BCAR3: variants seen among roughly 807,000 people sequenced by gnomAD.
The protein encoded by BCAR3 is BCAR3 adaptor protein, NSP family member, also known as breast cancer anti-estrogen resistance protein 3.
BCAR3 carries 37 observed loss-of-function variants against 80.1 expected under a neutral mutation model. The ratio of observed to expected loss-of-function variants is 0.46; its 90% CI spans 0.36 to 0.61. BCAR3 has a LOEUF of 0.61. Ranked by LOEUF, BCAR3 falls within the 20% of genes least tolerant of loss-of-function variation. BCAR3 has a pLI of 0.00. For synonymous variants in BCAR3, 389 were observed against 418.9 expected, an observed-to-expected ratio of 0.93 and a Z score of 0.87; for missense variants, 978 against 1,068.2, an observed-to-expected ratio of 0.92 and a Z score of 1.18.
At chr1:93,834,968 C>T (rs557841002) in intron 2 of BCAR3, among the ~76,000 whole-genome samples, 238 of 152,266 alleles carry the variant, frequency 1.6e-3, no homozygotes, top group African/African-American at 5.3e-3. Context: ...CTTGGTTTAT[C>T]GATGGCGGTT....
chr1:93,732,226 C>T lies in BCAR3; in HGVS notation c.-62-26084G>A, dbSNP rs147862088. ...TGAAACCTGTTCCTAGACAACGTGT[C>T]CAGTGCCAGAAGATGCTTTGTAAAG... On this transcript the variant is annotated intron_variant, in intron 2 of 13. Coordinates refer to the BCAR3 transcript ENST00000370244. 2.6e-3 allele frequency among the ~76,000 whole-genome samples: 396 copies of T among 152,260 alleles called. 1 individual carries two copies. The highest frequency in any genetic ancestry group is 3.3e-3 in the Non-Finnish European group (224 of 68,016).
chr1:93,694,943 C>T (rs1273422270), intron 3 of BCAR3, among the ~76,000 whole-genome samples: 1 of 152,186 alleles, frequency 6.6e-6, no homozygotes, highest in African/African-American at 2.4e-5. Flanking sequence ...TGTGCTCCAC[C>T]TCAGCCTACA....
chr1:93,797,256 C>T (rs1275629435), intron 2 of BCAR3, among the ~76,000 whole-genome samples: 1 of 152,146 alleles, frequency 6.6e-6, no homozygotes, highest in African/African-American at 2.4e-5. Flanking sequence ...ATTATCTTTC[C>T]ATGCAGCTTC....
intron 2 of BCAR3, among the ~76,000 whole-genome samples, chr1:93,815,765 C>T (rs532999373): frequency 3.9e-5 from 6 of 152,266 alleles, no homozygotes; most frequent in Admixed American, 2.0e-4. Flanking sequence ...AACAGACACA[C>T]GGAGAACATG....
intron 2 of BCAR3, among the ~76,000 whole-genome samples, chr1:93,834,900 C>T (rs1420466997): frequency 6.6e-6 from 1 of 152,200 alleles, no homozygotes; most frequent in Admixed American, 6.5e-5. Context: ...TCTGATCCAC[C>T]TGACATTCAC....
At chr1:93,657,605 T>C (rs1647448335) in intron 2 of BCAR3, among the ~76,000 whole-genome samples, 1 of 152,020 alleles carries the variant, frequency 6.6e-6, no homozygotes, top group Non-Finnish European at 1.5e-5. Context: ...ATATACAGTT[T>C]AACATGAGAA....
intron 7 of BCAR3, among the ~76,000 whole-genome samples, chr1:93,578,617 C>CAACT (rs1673562401): frequency 6.6e-6 from 1 of 152,206 alleles, no homozygotes; most frequent in Admixed American, 6.5e-5. Context: ...TCTCCACACC[C>CAACT]AACTCCCTGT....
intron 3 of BCAR3, among the ~76,000 whole-genome samples, chr1:93,699,508 G>A (rs1225265100): frequency 1.3e-5 from 2 of 152,124 alleles, no homozygotes; most frequent in African/African-American, 4.8e-5. Context: ...TTGTTGCGGG[G>A]GCGGGGGTGG....
intron 2 of BCAR3, among the ~76,000 whole-genome samples, chr1:93,744,640 C>T (rs1351143369): frequency 6.6e-6 from 1 of 152,172 alleles, no homozygotes; most frequent in East Asian, 1.9e-4. Flanking sequence ...TCCCATGAAA[C>T]GTTTGTCTTT....
intron 1 of BCAR3, among the ~76,000 whole-genome samples, chr1:93,678,746 C>T (rs979274163): frequency 6.6e-6 from 1 of 152,046 alleles, no homozygotes; most frequent in Non-Finnish European, 1.5e-5. Flanking sequence ...GGGAAGGCCT[C>T]TCTGAAAAGG....
At chr1:93,800,911 T>C (rs943424928) in intron 2 of BCAR3, among the ~76,000 whole-genome samples, 2 of 152,206 alleles carry the variant, frequency 1.3e-5, no homozygotes, top group Non-Finnish European at 2.9e-5. Context: ...TCCCTATCAT[T>C]TGAACTGTTT....
chr1:93,725,448 T>C (rs1198504515), intron 2 of BCAR3, among the ~76,000 whole-genome samples: 2 of 152,266 alleles, frequency 1.3e-5, no homozygotes, highest in African/African-American at 4.8e-5. Flanking sequence ...TTTTGTGAAA[T>C]GCCTGCTTAT....
chr1:93,582,220 A>G, intron 7 of BCAR3, 81 bp downstream of exon 7: 1 of 1,515,078 alleles, frequency 6.6e-7, no homozygotes, highest in Non-Finnish European at 8.8e-7. Flanking sequence ...CCAAACCTAC[A>G]AAAGCCAGAG....
intron 2 of BCAR3, among the ~76,000 whole-genome samples, chr1:93,804,466 A>C (rs1166579069): frequency 7.2e-5 from 11 of 152,198 alleles, no homozygotes; most frequent in Non-Finnish European, 1.3e-4. Context: ...TATTAAGTAA[A>C]ACAGGGATTC....
At chr1:93,760,608 TA>T (rs11365595) in intron 2 of BCAR3, among the ~76,000 whole-genome samples, 60,001 of 149,262 alleles carry the variant, frequency 0.4, 13,129 homozygotes, top group Non-Finnish European at 0.5. Flanking sequence ...TAAATTAGCT[TA>T]AAAAAAAAAA....
At chr1:93,776,667 T>A (rs1018379888) in intron 2 of BCAR3, among the ~76,000 whole-genome samples, 6 of 152,246 alleles carry the variant, frequency 3.9e-5, no homozygotes, top group Non-Finnish European at 7.3e-5. Flanking sequence ...TGGATCTTGC[T>A]GATTCTACTG....
In BCAR3 at chr1:93,604,344, C is replaced by G. The variant is rs189001605; in HGVS notation, c.358-11951G>C. On this transcript the variant is annotated intron_variant, in intron 3 of 11. Transcript: ENST00000260502. The stretch of plus-strand genomic sequence containing the variant: ...TTATTCATTATCAAACCTAATCAAT[C>G]TCTTATCAAAAGAGGCTCAGAAATC... 1.7e-3 allele frequency among the ~76,000 whole-genome samples: 262 copies of G among 152,280 alleles called. 2 individuals are homozygous for G. The highest frequency in any genetic ancestry group is 3.4e-3 in the Middle Eastern group (1 of 294).
chr1:93,629,108 A>G (rs2101896918), intron 3 of BCAR3, among the ~76,000 whole-genome samples: 1 of 152,334 alleles, frequency 6.6e-6, no homozygotes, highest in South Asian at 2.1e-4. Context: ...TTGGCAATAA[A>G]TAAAATTCCT....
At chr1:93,735,884 G>T (rs1378962833) in intron 2 of BCAR3, among the ~76,000 whole-genome samples, 2 of 152,226 alleles carry the variant, frequency 1.3e-5, no homozygotes, top group African/African-American at 4.8e-5. Context: ...GGATTCTGCA[G>T]GCAGAGCAGA....
Sources: gnomAD v4.1 joint callset for allele counts (sites outside exome capture counted in the v4.1 genomes callset) on GRCh38, gnomAD v4.1.1 for gene constraint, MANE v1.5 for transcripts, NCBI Gene and HGNC (gene_info 2026-07-23, HGNC 2026-07-21) for gene names.